Variants in ANAPC7 observed in about 807,000 individuals in gnomAD.
ANAPC7 encodes the protein anaphase-promoting complex subunit 7.
A neutral mutation model predicts 63.3 loss-of-function variants in ANAPC7; 25 were observed. That is an observed-to-expected ratio of 0.39 (90% CI 0.29 to 0.55). The LOEUF is 0.55. Among genes scored for constraint, ANAPC7 ranks in the 20% least tolerant of loss-of-function variants. ANAPC7 has a pLI of 0.57. For synonymous variants in ANAPC7, 241 were observed against 251.7 expected (o/e 0.96, Z 0.40); for missense variants, 516 against 691.7 (o/e 0.75, Z 2.85).
intron 1 of ANAPC7, among the ~76,000 whole-genome samples, chr12:110,399,296 A>G (rs549721827): frequency 6.6e-6 from 1 of 151,824 alleles, no homozygotes; most frequent in East Asian, 2.0e-4. Context: ...CTGGGATTAC[A>G]GGCGTGAGCC....
At chr12:110,380,523 C>A (rs1477747927) in intron 8 of ANAPC7, among the ~76,000 whole-genome samples, 3 of 149,614 alleles carry the variant, frequency 2.0e-5, no homozygotes, top group African/African-American at 7.4e-5. Flanking sequence ...TGGTGGTGGG[C>A]GCCTATAATC....
In ANAPC7 at chr12:110,376,094, C is replaced by T. The variant is rs1881240643; in HGVS notation, c.1480G>A (p.Ala494Thr). Residue 494 changes from alanine to threonine, a missense_variant, in exon 10 of 11, where the codon GCA becomes ACA. Transcript: ENST00000455511. ...FLVAVNEYQEAMDQYSIALSL... is the reference protein window; with the variant it reads ...FLVAVNEYQETMDQYSIALSL... The stretch of plus-strand genomic sequence containing the variant: ...AGTGCTATACTATACTGGTCCATTG[C>T]CTCCTGATACTCATTGACAGCTACA... The T allele has an allele frequency of 6.2e-7, 1 of 1,614,120 alleles. No homozygotes were observed. Among genetic ancestry groups the T allele is most frequent in the Non-Finnish European group, 8.5e-7 (1 of 1,180,022 alleles).
intron 7 of ANAPC7, among the ~76,000 whole-genome samples, chr12:110,382,450 AAAAAAAAAAAAAT>A (rs1441637802): frequency 6.9e-4 from 56 of 81,144 alleles, no homozygotes; most frequent in African/African-American, 3.0e-3. Flanking sequence ...TTAAAAAAAA[AAAAAAAAAAAAAT>A]ATATATATAT....
intron 1 of ANAPC7, among the ~76,000 whole-genome samples, chr12:110,401,045 G>A (rs370848986): frequency 8.5e-5 from 13 of 152,086 alleles, no homozygotes; most frequent in Middle Eastern, 3.2e-3. Context: ...GCAAGACTCC[G>A]TCTGAAAAGC....
chr12:110,377,298 T>G, intron 9 of ANAPC7, 95 bp downstream of exon 9: 1 of 1,060,972 alleles, frequency 9.4e-7, no homozygotes, highest in Admixed American at 2.0e-5. Flanking sequence ...CACACCTGTC[T>G]AGTCATCTGT....
chr12:110,378,852 TC>T (rs1881548559), intron 8 of ANAPC7: 1 of 150,552 alleles, frequency 6.6e-6, no homozygotes, highest in African/African-American at 2.4e-5. Flanking sequence ...ATTACCTAAC[TC>T]TAACTATTTT....
At chr12:110,387,433 C>CAGAGAGA (rs1882709842) in intron 5 of ANAPC7, 3 of 40,284 alleles carry the variant, frequency 7.4e-5, no homozygotes, top group South Asian at 7.8e-4. Context: ...GAGAGAGAGA[C>CAGAGAGA]CGACCTTGTC....
intron 3 of ANAPC7, among the ~76,000 whole-genome samples, chr12:110,393,170 A>T (rs1883250845): frequency 6.6e-6 from 1 of 152,220 alleles, no homozygotes; most frequent in South Asian, 2.1e-4. Flanking sequence ...ACAAAGACAT[A>T]TTCTACACAT....
chr12:110,392,321 T>C (rs752565406), intron 3 of ANAPC7, among the ~76,000 whole-genome samples: 4 of 152,094 alleles, frequency 2.6e-5, no homozygotes, highest in Non-Finnish European at 5.9e-5. Flanking sequence ...ACTGAAGAAA[T>C]AGCTTCAAAA....
In ANAPC7 at chr12:110,377,958, G is replaced by A; in HGVS notation, c.1133-341C>T. 3 of 479,198 alleles carry A rather than the reference G, an allele frequency of 6.3e-6. No homozygotes were observed. In the South Asian group the frequency reaches 9.8e-5, roughly 16 times the overall value. The allele number at this position is 479,198 out of a possible 1,614,324, so 29.7% of individuals were successfully genotyped here. A position where few individuals can be genotyped will look rare whatever the true frequency, so the allele number is the denominator to read the frequency against. The stretch of plus-strand genomic sequence containing the variant: ...AATGATTAGTCTGTCATATGGCCAA[G>A]AGATCAAAGTAGTGAGAGATGATGT... On this transcript the variant is annotated intron_variant, in intron 8 of 10. Transcript: ENST00000455511.
At chr12:110,399,802 A>G (rs2062201261) in intron 1 of ANAPC7, among the ~76,000 whole-genome samples, 1 of 149,812 alleles carries the variant, frequency 6.7e-6, no homozygotes, top group Admixed American at 6.7e-5. Context: ...GACAAAAAAA[A>G]AAAAAAAAAG....
intron 2 of ANAPC7, 98 bp from the exon 3 acceptor site, chr12:110,395,318 CTTTTT>C (rs34713439): frequency 5.1e-6 from 5 of 988,604 alleles, no homozygotes; most frequent in South Asian, 3.6e-5. Flanking sequence ...CCCAGCAATT[CTTTTT>C]TTTTTTTTTG....
At position 110,374,143 on chromosome 12, in the gene ANAPC7, C is replaced by G. The variant is rs748963334; in HGVS notation, c.*1G>C. ...ACTGCGGCCATGGAGCTGCCGCCCC[C>G]TCACTGCATGCCGAACCACTGCTCC... On this transcript the variant is annotated 3_prime_UTR_variant, in exon 11 of 11. Transcript: ENST00000455511. The G allele has an allele frequency of 1.2e-6, 2 of 1,607,694 alleles. No individual in the cohort carries two copies. Among genetic ancestry groups the G allele is most frequent in the South Asian group, 1.1e-5 (1 of 90,612 alleles).
In ANAPC7 at chr12:110,381,960, A is replaced by AAG; in HGVS notation, c.936-13_936-12insCT. On this transcript the variant is annotated splice_polypyrimidine_tract_variant and intron_variant, in intron 7 of 10. Transcript: ENST00000455511. ...AGAAGCTGTGACAGCTGGAGAAAAA[A>AAG]AAAAAAAAAAAAACACAAAAACCCC... is the stretch of plus-strand genomic sequence containing the variant. The AAG allele has an allele frequency of 6.7e-7, 1 of 1,500,664 alleles. No individual in the cohort carries two copies. The allele number at this position is 1,500,664 out of a possible 1,614,324, so 93.0% of individuals were successfully genotyped here. A position where few individuals can be genotyped will look rare whatever the true frequency, so the allele number is the denominator to read the frequency against.
intron 8 of ANAPC7, chr12:110,377,981 T>C (rs1881445025): frequency 5.7e-6 from 2 of 353,724 alleles, no homozygotes; most frequent in Admixed American, 9.4e-5. Context: ...TGAGAGATGA[T>C]GTTCCCAACA....
chr12:110,400,308 A>C (rs1273135481), intron 1 of ANAPC7, among the ~76,000 whole-genome samples: 1 of 152,228 alleles, frequency 6.6e-6, no homozygotes, highest in Admixed American at 6.5e-5. Flanking sequence ...ACGAAAAAAT[A>C]GTTATTGCCT....
At chr12:110,382,031 C>G in intron 7 of ANAPC7, 83 bp from the exon 8 acceptor site, 1 of 1,295,088 alleles carries the variant, frequency 7.7e-7, no homozygotes, top group South Asian at 1.5e-5. Context: ...ATCCAAAAAT[C>G]ATATTGAAGG....
intron 7 of ANAPC7, 107 bp downstream of exon 7, chr12:110,382,736 G>A: frequency 3.2e-6 from 3 of 926,294 alleles, no homozygotes; most frequent in Non-Finnish European, 4.9e-6. Flanking sequence ...TGCCTGTCCA[G>A]GTGATTACCT....
intron 3 of ANAPC7, among the ~76,000 whole-genome samples, chr12:110,392,482 T>C (rs1157925154): frequency 6.6e-6 from 1 of 152,166 alleles, no homozygotes; most frequent in African/African-American, 2.4e-5. Flanking sequence ...TCGTATCTTT[T>C]AAAGGCAGGA....
Sources: gnomAD v4.1 joint callset for allele counts (sites outside exome capture counted in the v4.1 genomes callset) on GRCh38, gnomAD v4.1.1 for gene constraint, MANE v1.5 for transcripts, NCBI Gene and HGNC (gene_info 2026-07-23, HGNC 2026-07-21) for gene names.